The following PTPRD variants were observed in gnomAD, a reference collection of about 807,000 sequenced individuals.
The protein encoded by PTPRD is protein tyrosine phosphatase receptor type D, also known as receptor-type tyrosine-protein phosphatase delta.
In PTPRD, 34 loss-of-function variants were observed where a neutral mutation model predicts 214.5. The ratio of observed to expected loss-of-function variants is 0.16; its 90% CI spans 0.12 to 0.21. The LOEUF (loss-of-function observed/expected upper bound fraction) is 0.21. Ranked by LOEUF, PTPRD falls within the 10% of genes least tolerant of loss-of-function variation. The pLI, the probability that PTPRD is intolerant of heterozygous loss-of-function variation, is 1.00. For synonymous variants in PTPRD, 1,128 were observed against 845.7 expected, an observed-to-expected ratio of 1.33 and a Z score of -5.79; for missense variants, 2,545 against 2,398.7, an observed-to-expected ratio of 1.06 and a Z score of -1.27.
intron 3 of PTPRD, among the ~76,000 whole-genome samples, chr9:10,208,093 G>C (rs1001250418): frequency 6.6e-6 from 1 of 152,128 alleles, no homozygotes; most frequent in Non-Finnish European, 1.5e-5. Flanking sequence ...CTGGTTCCCA[G>C]GAGTAACAAC....
chr9:8,867,363 AAAGACAC>A (rs2098217318), intron 11 of PTPRD, among the ~76,000 whole-genome samples: 1 of 152,174 alleles, frequency 6.6e-6, no homozygotes. Context: ...CCCCCTTGGC[AAAGACAC>A]AAGGGTCCAG....
chr9:10,092,469 T>C (rs2098441999), intron 3 of PTPRD, among the ~76,000 whole-genome samples: 1 of 151,448 alleles, frequency 6.6e-6, no homozygotes, highest in African/African-American at 2.4e-5. Context: ...TAAGTCATAT[T>C]ATATTATGGT....
chr9:10,423,982 T>C (rs535406006), intron 2 of PTPRD, among the ~76,000 whole-genome samples: 1 of 152,132 alleles, frequency 6.6e-6, no homozygotes, highest in East Asian at 1.9e-4. Flanking sequence ...GAGGGTATAT[T>C]CTTTTTCAGA....
intron 3 of PTPRD, among the ~76,000 whole-genome samples, chr9:10,110,173 T>C (rs72694881): frequency 0.057 from 8,733 of 152,236 alleles, 334 homozygotes; most frequent in Admixed American, 0.1. Flanking sequence ...TGAAAAGCAA[T>C]TCTTTCATCT....
chr9:10,254,538 C>T (rs888347439), intron 3 of PTPRD, among the ~76,000 whole-genome samples: 10 of 152,006 alleles, frequency 6.6e-5, no homozygotes, highest in Admixed American at 3.3e-4. Flanking sequence ...AGCATAAAAA[C>T]GATTTAGCCC....
chr9:10,228,651 T>C (rs949370722), intron 3 of PTPRD, among the ~76,000 whole-genome samples: 3 of 151,516 alleles, frequency 2.0e-5, no homozygotes, highest in African/African-American at 4.8e-5. Flanking sequence ...TGTATTTCTT[T>C]ATGATTAAAA....
intron 11 of PTPRD, among the ~76,000 whole-genome samples, chr9:8,936,405 C>A (rs1318844296): frequency 2.1e-5 from 2 of 97,026 alleles, no homozygotes; most frequent in African/African-American, 8.3e-5. Context: ...CCAGCCTAGG[C>A]AACAGAGCAA....
At chr9:10,457,494 T>G (rs2098927257) in intron 2 of PTPRD, among the ~76,000 whole-genome samples, 1 of 152,048 alleles carries the variant, frequency 6.6e-6, no homozygotes, top group Admixed American at 6.6e-5. Flanking sequence ...GCATTCCATT[T>G]TAAGAATACA....
At chr9:8,753,539 C>T (rs2093714110) in intron 11 of PTPRD, among the ~76,000 whole-genome samples, 1 of 151,994 alleles carries the variant, frequency 6.6e-6, no homozygotes, top group East Asian at 1.9e-4. Flanking sequence ...ATGTGCCTCT[C>T]CTTAAACAGG....
intron 8 of PTPRD, among the ~76,000 whole-genome samples, chr9:9,534,712 T>C (rs1357180474): frequency 1.3e-5 from 2 of 152,050 alleles, no homozygotes; most frequent in Admixed American, 6.6e-5. Context: ...AGTTCATAAA[T>C]AGGGTAGAGA....
chr9:10,250,133 T>C (rs1424848098), intron 3 of PTPRD, among the ~76,000 whole-genome samples: 2 of 152,178 alleles, frequency 1.3e-5, no homozygotes, highest in African/African-American at 4.8e-5. Context: ...AGGATTATGA[T>C]ACCTTTAGCA....
At chr9:10,197,077 G>C (rs2099401250) in intron 3 of PTPRD, among the ~76,000 whole-genome samples, 4 of 151,878 alleles carry the variant, frequency 2.6e-5, no homozygotes, top group Admixed American at 2.0e-4. Flanking sequence ...TTTTGTTATA[G>C]GCACCTTAAT....
chr9:8,628,716 A>G (rs2096137471), intron 14 of PTPRD, among the ~76,000 whole-genome samples: 1 of 151,862 alleles, frequency 6.6e-6, no homozygotes, highest in South Asian at 2.1e-4. Flanking sequence ...CAATTTCCCA[A>G]GACCTAGACT....
At chr9:8,496,568 T>C (rs1211798597) in intron 26 of PTPRD, among the ~76,000 whole-genome samples, 1 of 152,218 alleles carries the variant, frequency 6.6e-6, no homozygotes, top group Non-Finnish European at 1.5e-5. Context: ...CTCAGCGACA[T>C]ACTTTCTACT....
intron 9 of PTPRD, among the ~76,000 whole-genome samples, chr9:9,381,038 T>G (rs770204427): frequency 6.6e-6 from 1 of 152,102 alleles, no homozygotes; most frequent in Non-Finnish European, 1.5e-5. Context: ...TATGGCATAT[T>G]TTTCTTCACT....
chr9:8,995,053 A>G (rs371030483), intron 11 of PTPRD, among the ~76,000 whole-genome samples: 76 of 152,200 alleles, frequency 5.0e-4, no homozygotes, highest in African/African-American at 1.8e-3. Flanking sequence ...ATGGGGGTAG[A>G]AAAACCTGTT....
At chr9:8,404,456 T>C in intron 36 of PTPRD, 81 bp downstream of exon 36, 1 of 1,512,174 alleles carries the variant, frequency 6.6e-7, no homozygotes, top group Non-Finnish European at 8.9e-7. Flanking sequence ...AGATGGTTAA[T>C]AACCTCACTA....
intron 7 of PTPRD, among the ~76,000 whole-genome samples, chr9:9,595,072 C>T (rs916656064): frequency 6.6e-6 from 1 of 151,508 alleles, no homozygotes; most frequent in Non-Finnish European, 1.5e-5. Context: ...TCATCATTAA[C>T]AATTCAAAAA....
At chr9:10,271,745 G>A (rs2094437540) in intron 3 of PTPRD, among the ~76,000 whole-genome samples, 1 of 151,880 alleles carries the variant, frequency 6.6e-6, no homozygotes, top group African/African-American at 2.4e-5. Context: ...GTTTCACCAT[G>A]TTGGCCAGGC....
Sources: allele counts gnomAD v4.1 joint callset (sites outside exome capture counted in the v4.1 genomes callset), GRCh38; gene constraint gnomAD v4.1.1; transcripts MANE v1.5; gene names NCBI Gene and HGNC (gene_info 2026-07-23, HGNC 2026-07-21).